Variants in LRTM3 observed in about 807,000 individuals in gnomAD.
The protein encoded by LRTM3 is leucine-rich repeat transmembrane protein 3.
chr13:102,731,680 A>G, the LRTM3 span: 11 of 1,551,282 alleles, frequency 7.1e-6, no homozygotes, highest in African/African-American at 1.4e-5. Context: ...TGGGAAGTAA[A>G]TGTTCTGCAT....
the LRTM3 span, among the ~76,000 whole-genome samples, chr13:102,756,337 G>A: frequency 7.6e-6 from 1 of 132,396 alleles, no homozygotes; most frequent in East Asian, 2.1e-4. Flanking sequence ...TGGAGGTATA[G>A]TGAGTTAAGT....
chr13:102,744,455 G>C, the LRTM3 span: 5 of 1,550,352 alleles, frequency 3.2e-6, no homozygotes, highest in Non-Finnish European at 3.5e-6. Context: ...CCCTGTTTTG[G>C]GAAATGAAGT....
chr13:102,745,672 C>T, the LRTM3 span: 4 of 1,550,710 alleles, frequency 2.6e-6, no homozygotes, highest in Non-Finnish European at 1.7e-6. Context: ...AACCAAAAAT[C>T]GCTGTCTCTT....
chr13:102,741,993 T>C, the LRTM3 span: 2 of 1,550,632 alleles, frequency 1.3e-6, no homozygotes, highest in Non-Finnish European at 1.7e-6. Flanking sequence ...GACATATCAG[T>C]ACAACCTGAC....
chr13:102,740,184 C>A, the LRTM3 span: 2 of 1,548,346 alleles, frequency 1.3e-6, no homozygotes, highest in East Asian at 2.4e-5. Flanking sequence ...GATATTAAAT[C>A]AAAGACCTGT....
the LRTM3 span, chr13:102,731,671 G>A: frequency 5.2e-6 from 8 of 1,551,324 alleles, no homozygotes; most frequent in South Asian, 8.3e-5. Flanking sequence ...CTTCACAAAT[G>A]GGAAGTAAAT....
chr13:102,742,590 C>A, the LRTM3 span: 1 of 1,550,524 alleles, frequency 6.4e-7, no homozygotes, highest in African/African-American at 1.4e-5. Flanking sequence ...AAATCAACTT[C>A]TGCTTCTGTC....
At chr13:102,747,353 T>A in the LRTM3 span, 1 of 1,550,526 alleles carries the variant, frequency 6.4e-7, no homozygotes, top group East Asian at 2.4e-5. Flanking sequence ...GCCTCCCATT[T>A]TTTTCCTGTG....
chr13:102,740,811 C>T, the LRTM3 span: 6 of 1,549,476 alleles, frequency 3.9e-6, no homozygotes, highest in Non-Finnish European at 5.2e-6. Flanking sequence ...GTGAGGTACC[C>T]TAAACTATTG....
At chr13:102,735,578 G>A in the LRTM3 span, 1 of 1,551,042 alleles carries the variant, frequency 6.4e-7, no homozygotes, top group Non-Finnish European at 8.7e-7. Flanking sequence ...GAGTATATCT[G>A]AGAGTAGTAA....
the LRTM3 span, chr13:102,733,668 A>G: frequency 1.9e-6 from 3 of 1,551,346 alleles, no homozygotes; most frequent in Admixed American, 3.9e-5. Context: ...GTAAAGAGCC[A>G]TTCCGGCCTT....
the LRTM3 span, chr13:102,742,523 A>G: frequency 6.4e-7 from 1 of 1,550,428 alleles, no homozygotes; most frequent in Non-Finnish European, 8.7e-7. Context: ...CTTAGAGAAA[A>G]AAACAGATTC....
the LRTM3 span, chr13:102,729,737 C>G: frequency 1.9e-6 from 3 of 1,551,906 alleles, no homozygotes; most frequent in Admixed American, 5.9e-5. Flanking sequence ...GCTTTGGAAA[C>G]AATCCAATCT....
the LRTM3 span, among the ~76,000 whole-genome samples, chr13:102,754,885 C>T: frequency 6.6e-6 from 1 of 152,154 alleles, no homozygotes; most frequent in Non-Finnish European, 1.5e-5. Context: ...ACAGAGTCTT[C>T]TTTTAAACTG....
the LRTM3 span, chr13:102,730,169 C>A: frequency 2.6e-6 from 4 of 1,550,250 alleles, no homozygotes; most frequent in African/African-American, 2.7e-5. Context: ...CTCTCTAGTA[C>A]AATGGGAACC....
At chr13:102,757,196 C>T in the LRTM3 span, among the ~76,000 whole-genome samples, 1 of 152,206 alleles carries the variant, frequency 6.6e-6, no homozygotes, top group Admixed American at 6.5e-5. Flanking sequence ...AAGGGTTCTA[C>T]CTACTCACAC....
chr13:102,737,617 T>C, the LRTM3 span: 1 of 1,550,876 alleles, frequency 6.4e-7, no homozygotes, highest in South Asian at 1.2e-5. Context: ...CCTTCTTTCC[T>C]TTCAGATCTT....
chr13:102,732,355 A>G, the LRTM3 span: 1 of 1,551,214 alleles, frequency 6.4e-7, no homozygotes, highest in South Asian at 1.2e-5. Context: ...TTGGTGTACC[A>G]CGCCCCGTGA....
the LRTM3 span, chr13:102,739,078 T>A: frequency 1.9e-6 from 3 of 1,550,540 alleles, no homozygotes; most frequent in Admixed American, 3.9e-5. Flanking sequence ...CTCTCATGTA[T>A]ACCTCTTTTA....
Sources: gnomAD v4.1 joint callset for allele counts (sites outside exome capture counted in the v4.1 genomes callset) on GRCh38, gnomAD v4.1.1 for gene constraint, MANE v1.5 for transcripts, NCBI Gene and HGNC (gene_info 2026-07-23, HGNC 2026-07-21) for gene names.